NSMCE2: variants seen among roughly 807,000 people sequenced by gnomAD.
The protein encoded by NSMCE2 is NSE2 SUMO ligase component of SMC5/6 complex, also known as E3 SUMO-protein ligase NSE2.
In NSMCE2, 24 loss-of-function variants were observed where a neutral mutation model predicts 23.8. The ratio of observed to expected loss-of-function variants is 1.01; its 90% CI spans 0.73 to 1.42. The LOEUF is 1.42. Among genes scored for constraint, NSMCE2 ranks in the 40% most tolerant of loss-of-function variants. The probability of loss-of-function intolerance (pLI) is 0.00; values close to 1 mark genes in which losing one functional copy is unlikely to be tolerated. For missense variants in NSMCE2, 284 were observed against 296.5 expected (o/e 0.96, Z 0.31); for synonymous variants, 92 against 94.1 (o/e 0.98, Z 0.13).
At chr8:125,295,967 A>G (rs1039825769) in intron 5 of NSMCE2, among the ~76,000 whole-genome samples, 1 of 152,198 alleles carries the variant, frequency 6.6e-6, no homozygotes, top group African/African-American at 2.4e-5. Context: ...CACAACTATT[A>G]AACAAGAAAT....
At chr8:125,223,651 T>A (rs1824967544) in intron 5 of NSMCE2, among the ~76,000 whole-genome samples, 1 of 152,210 alleles carries the variant, frequency 6.6e-6, no homozygotes. Flanking sequence ...TTTTGTCTTT[T>A]TGCTAATAGC....
intron 5 of NSMCE2, among the ~76,000 whole-genome samples, chr8:125,307,793 A>G (rs1186906453): frequency 6.6e-6 from 1 of 152,096 alleles, no homozygotes; most frequent in Non-Finnish European, 1.5e-5. Context: ...CTTCTTTTCA[A>G]TTGCTTAAGA....
At chr8:125,161,312 GTC>G (rs1035095494) in intron 4 of NSMCE2, among the ~76,000 whole-genome samples, 5 of 151,794 alleles carry the variant, frequency 3.3e-5, no homozygotes, top group African/African-American at 1.2e-4. Context: ...TAAAAAAAAA[GTC>G]TAATAATACA....
At chr8:125,270,264 C>T (rs1225153072) in intron 5 of NSMCE2, among the ~76,000 whole-genome samples, 5 of 152,056 alleles carry the variant, frequency 3.3e-5, no homozygotes, top group South Asian at 2.1e-4. Flanking sequence ...GTCAGGAGTT[C>T]GAGACCACCC....
chr8:125,277,439 A>C (rs1447366738), intron 5 of NSMCE2, among the ~76,000 whole-genome samples: 1 of 152,228 alleles, frequency 6.6e-6, no homozygotes. Flanking sequence ...TTAAAACACA[A>C]AAAGGCACAG....
intron 5 of NSMCE2, among the ~76,000 whole-genome samples, chr8:125,273,339 CTT>C (rs1392317220): frequency 1.3e-5 from 2 of 152,128 alleles, no homozygotes; most frequent in African/African-American, 4.8e-5. Flanking sequence ...TTACAGTAAA[CTT>C]TTTATATTTG....
chr8:125,324,518 CAAAAAAAAAA>C (rs71295841), intron 5 of NSMCE2, among the ~76,000 whole-genome samples: 1 of 49,024 alleles, frequency 2.0e-5, no homozygotes, highest in African/African-American at 8.2e-5. Context: ...GGTGCCAGAC[CAAAAAAAAAA>C]AAAAAAAAGA....
chr8:125,228,782 T>C (rs1159412323), intron 5 of NSMCE2, among the ~76,000 whole-genome samples: 3 of 152,208 alleles, frequency 2.0e-5, no homozygotes, highest in Non-Finnish European at 4.4e-5. Flanking sequence ...CATACGTGCC[T>C]GGCTCTGTGC....
chr8:125,240,332 C>G (rs942845919), intron 5 of NSMCE2, among the ~76,000 whole-genome samples: 3 of 152,102 alleles, frequency 2.0e-5, no homozygotes, highest in Non-Finnish European at 4.4e-5. Context: ...ACCATATTGG[C>G]CAGGCTGGTC....
chr8:125,341,897 G>GAAAAAAAAAAAAAAAAAAAAAAAAAAA (rs61204647), intron 5 of NSMCE2, among the ~76,000 whole-genome samples: 1 of 83,242 alleles, frequency 1.2e-5, no homozygotes. Context: ...TCTAGAAATG[G>GAAAAAAAAAAAAAAAAAAAAAAAAAAA]AAAAAAAAAA....
At chr8:125,201,361 G>A (rs577577989) in intron 5 of NSMCE2, among the ~76,000 whole-genome samples, 1 of 152,298 alleles carries the variant, frequency 6.6e-6, no homozygotes, top group South Asian at 2.1e-4. Flanking sequence ...TTTTGGTGTG[G>A]ATGTCCTTTT....
chr8:125,198,769 C>G (rs1823738896), intron 5 of NSMCE2, among the ~76,000 whole-genome samples: 1 of 152,166 alleles, frequency 6.6e-6, no homozygotes. Flanking sequence ...ATGGTACCAG[C>G]TCCTCTTTGT....
At chr8:125,114,163 T>A (rs371304196) in intron 3 of NSMCE2, among the ~76,000 whole-genome samples, 6 of 152,148 alleles carry the variant, frequency 3.9e-5, no homozygotes, top group African/African-American at 1.4e-4. Flanking sequence ...CAGAATCTCT[T>A]ACCCCTTTCT....
chr8:125,364,864 C>T (rs755941117), intron 7 of NSMCE2, among the ~76,000 whole-genome samples: 4 of 152,164 alleles, frequency 2.6e-5, no homozygotes, highest in Non-Finnish European at 5.9e-5. Context: ...TGTGAATTGC[C>T]TGTGGTCTCA....
At chr8:125,283,475 ATGCCAC>A (rs1827774083) in intron 5 of NSMCE2, among the ~76,000 whole-genome samples, 1 of 152,136 alleles carries the variant, frequency 6.6e-6, no homozygotes, top group Non-Finnish European at 1.5e-5. Flanking sequence ...AGCCAAGATC[ATGCCAC>A]TGCACACCAG....
At chr8:125,250,583 A>G (rs1483543067) in intron 5 of NSMCE2, among the ~76,000 whole-genome samples, 1 of 152,210 alleles carries the variant, frequency 6.6e-6, no homozygotes, top group Non-Finnish European at 1.5e-5. Flanking sequence ...TTTTATAGCT[A>G]TAATTTCATC....
chr8:125,253,339 A>G (rs1404819481), intron 5 of NSMCE2, among the ~76,000 whole-genome samples: 1 of 152,234 alleles, frequency 6.6e-6, no homozygotes. Flanking sequence ...AATACATAAC[A>G]AAGTACTGAT....
At chr8:125,258,922 G>A (rs182314680) in intron 5 of NSMCE2, among the ~76,000 whole-genome samples, 10 of 152,174 alleles carry the variant, frequency 6.6e-5, no homozygotes, top group Non-Finnish European at 1.5e-4. Context: ...CTGTTTTTGA[G>A]ACAGAGTTTT....
chr8:125,154,816 TCA>T (rs1821226740), intron 4 of NSMCE2, among the ~76,000 whole-genome samples: 2 of 152,318 alleles, frequency 1.3e-5, no homozygotes, highest in East Asian at 3.9e-4. Flanking sequence ...AACTGTTTTC[TCA>T]GTTTCATATT....
Sources: gnomAD v4.1 joint callset for allele counts (sites outside exome capture counted in the v4.1 genomes callset) on GRCh38, gnomAD v4.1.1 for gene constraint, MANE v1.5 for transcripts, NCBI Gene and HGNC (gene_info 2026-07-23, HGNC 2026-07-21) for gene names.